The following GRM1 variants were observed in gnomAD, a reference collection of about 807,000 sequenced individuals.
The protein encoded by GRM1 is glutamate metabotropic receptor 1.
Under a neutral mutation model 90.9 loss-of-function variants are expected in GRM1, and 33 were observed. The observed-to-expected ratio is 0.36, with a 90% confidence interval of 0.28 to 0.49. The LOEUF (loss-of-function observed/expected upper bound fraction) is 0.49, where lower values mean the gene tolerates loss of function less well. Ranked by LOEUF, GRM1 falls within the 20% of genes least tolerant of loss-of-function variation. GRM1 has a pLI of 0.99. For missense variants in GRM1, 1,190 were observed against 1,534.3 expected (o/e 0.78, Z 3.75); for synonymous variants, 700 against 613.2 (o/e 1.14, Z -2.09).
chr6:146,334,086 T>A (rs1049701824), intron 3 of GRM1, among the ~76,000 whole-genome samples: 1 of 152,162 alleles, frequency 6.6e-6, no homozygotes, highest in Non-Finnish European at 1.5e-5. Flanking sequence ...GGGTTCTCCT[T>A]TTCTTGCTGA....
rs3025915 is a variant in GRM1 at position 146,341,125 on chromosome 6, C to G, written c.1187-11125C>G. Among the ~76,000 whole-genome samples, 1,428 of 152,324 alleles carry G rather than the reference C, an allele frequency of 9.4e-3. 26 individuals carry two copies. Among genetic ancestry groups the G allele is most frequent in the African/African-American group, 0.033 (1,364 of 41,576 alleles). ...ACAGGCTTTGGTGTAAATCTAGTACCTCAGTCTAGATTCTTCCTTTATGTT... is the reference window on the plus strand; with the variant it reads ...ACAGGCTTTGGTGTAAATCTAGTACGTCAGTCTAGATTCTTCCTTTATGTT... On this transcript the variant is annotated intron_variant, in intron 3 of 7. Transcript: ENST00000282753.
chr6:146,345,631 C>T (rs972296526), intron 3 of GRM1, among the ~76,000 whole-genome samples: 1 of 152,192 alleles, frequency 6.6e-6, no homozygotes, highest in Admixed American at 6.5e-5. Context: ...ATAGCATAAA[C>T]TTTGAAGCTT....
chr6:146,218,964 G>A (rs1242750695), intron 2 of GRM1, among the ~76,000 whole-genome samples: 3 of 152,008 alleles, frequency 2.0e-5, no homozygotes, highest in South Asian at 2.1e-4. Flanking sequence ...ACCTACCCAC[G>A]GTTTGCTTGA....
chr6:146,201,902 C>A (rs1382844036), intron 2 of GRM1, among the ~76,000 whole-genome samples: 1 of 152,188 alleles, frequency 6.6e-6, no homozygotes, highest in Non-Finnish European at 1.5e-5. Context: ...GTGCTCTCAA[C>A]CGCTGTGCAA....
intron 2 of GRM1, among the ~76,000 whole-genome samples, chr6:146,280,905 A>C (rs1173227731): frequency 1.3e-5 from 2 of 152,080 alleles, no homozygotes; most frequent in African/African-American, 4.8e-5. Context: ...CTGGGATCAT[A>C]GACATGAGCC....
At chr6:146,066,764 GGC>G (rs34015329) in intron 1 of GRM1, among the ~76,000 whole-genome samples, 59,414 of 148,438 alleles carry the variant, frequency 0.4, 11,693 homozygotes, top group Middle Eastern at 0.51. Context: ...TAGACAGACA[GGC>G]AGAGAGAGAG....
At chr6:146,377,449 G>A (rs1039093753) in intron 5 of GRM1, among the ~76,000 whole-genome samples, 13 of 152,144 alleles carry the variant, frequency 8.5e-5, no homozygotes, top group Admixed American at 3.3e-4. Flanking sequence ...AAAGAGACTG[G>A]TGGCGTTATG....
At chr6:146,414,377 T>TTTATTATTATTATTATTA (rs56297907) in intron 7 of GRM1, among the ~76,000 whole-genome samples, 5,389 of 145,322 alleles carry the variant, frequency 0.037, 207 homozygotes, top group African/African-American at 0.088. Context: ...CCGTTTGCCT[T>TTTATTATTATTATTATTA]TTATTATTAT....
chr6:146,271,451 G>A lies in GRM1; in HGVS notation c.951-33160G>A, dbSNP rs540122864. Among the ~76,000 whole-genome samples, 71 of 152,272 alleles carry A rather than the reference G, an allele frequency of 4.7e-4. No homozygotes were observed. The South Asian group carries it at 0.011, about 24-fold the overall frequency. Reference sequence around the variant, plus strand: ...GAGACTTGTTAGGAAGCTGGTGGAGGTGGACAGAGGAGGAGGCTGTGGAAA... The same window carrying A: ...GAGACTTGTTAGGAAGCTGGTGGAGATGGACAGAGGAGGAGGCTGTGGAAA... On this transcript the variant is annotated intron_variant, in intron 2 of 7. Transcript: ENST00000282753.
At chr6:146,291,065 G>A (rs189926171) in intron 2 of GRM1, among the ~76,000 whole-genome samples, 1 of 152,220 alleles carries the variant, frequency 6.6e-6, no homozygotes, top group East Asian at 1.9e-4. Context: ...ATTGCAGATG[G>A]AGTTAAGGTT....
chr6:146,243,458 A>T (rs999105127), intron 2 of GRM1, among the ~76,000 whole-genome samples: 3 of 152,224 alleles, frequency 2.0e-5, no homozygotes, highest in Admixed American at 2.0e-4. Context: ...ATTATAGAAT[A>T]GTCAGAGCAC....
intron 3 of GRM1, among the ~76,000 whole-genome samples, chr6:146,334,526 C>T (rs555247134): frequency 3.3e-5 from 5 of 152,190 alleles, no homozygotes; most frequent in African/African-American, 1.2e-4. Context: ...TTTCCTCATA[C>T]GATATTTAGA....
At chr6:146,249,304 C>T (rs180905177) in intron 2 of GRM1, among the ~76,000 whole-genome samples, 51 of 152,284 alleles carry the variant, frequency 3.3e-4, no homozygotes, top group African/African-American at 1.1e-3. Context: ...ACATCAGCCT[C>T]TCCCATTACA....
intron 1 of GRM1, among the ~76,000 whole-genome samples, chr6:146,119,611 T>C (rs921761064): frequency 4.6e-5 from 7 of 152,338 alleles, no homozygotes; most frequent in African/African-American, 1.4e-4. Context: ...TTGAATTAAT[T>C]TTTGTCTAAG....
At chr6:146,396,427 C>T (rs1256596488) in intron 6 of GRM1, among the ~76,000 whole-genome samples, 2 of 152,100 alleles carry the variant, frequency 1.3e-5, no homozygotes, top group African/African-American at 2.4e-5. Flanking sequence ...TCTAAGAAAC[C>T]TAAGGCTGAG....
At chr6:146,163,877 G>A (rs758152211) in intron 2 of GRM1, among the ~76,000 whole-genome samples, 3 of 151,848 alleles carry the variant, frequency 2.0e-5, no homozygotes, top group East Asian at 1.9e-4. Flanking sequence ...ATTCATTAAC[G>A]GATAACTCAT....
intron 2 of GRM1, among the ~76,000 whole-genome samples, chr6:146,236,085 T>A (rs1409744976): frequency 6.6e-6 from 1 of 152,166 alleles, no homozygotes; most frequent in Non-Finnish European, 1.5e-5. Context: ...CATTCCTGTT[T>A]GGAGTTGGAC....
intron 7 of GRM1, among the ~76,000 whole-genome samples, chr6:146,400,405 T>TA (rs58981416): frequency 0.039 from 5,892 of 150,296 alleles, 382 homozygotes; most frequent in African/African-American, 0.13. Flanking sequence ...CACCAAAAAA[T>TA]AAAAAAAAAT....
intron 3 of GRM1, among the ~76,000 whole-genome samples, chr6:146,322,249 G>A (rs920990490): frequency 6.6e-6 from 1 of 152,198 alleles, no homozygotes; most frequent in African/African-American, 2.4e-5. Context: ...AGCAAAGATT[G>A]CTGTCTATTC....
Sources: allele counts gnomAD v4.1 joint callset (sites outside exome capture counted in the v4.1 genomes callset), GRCh38; gene constraint gnomAD v4.1.1; transcripts MANE v1.5; gene names NCBI Gene and HGNC (gene_info 2026-07-23, HGNC 2026-07-21).